The following NPAS3 variants were observed in gnomAD, a reference collection of about 807,000 sequenced individuals.
NPAS3 encodes neuronal PAS domain-containing protein 3.
A neutral mutation model predicts 73.1 loss-of-function variants in NPAS3; 14 were observed. The ratio of observed to expected loss-of-function variants is 0.19; its 90% CI spans 0.13 to 0.30. The LOEUF (loss-of-function observed/expected upper bound fraction) is 0.30. Among genes scored for constraint, NPAS3 ranks in the 10% least tolerant of loss-of-function variants. NPAS3 has a pLI of 1.00. For missense variants in NPAS3, 1,096 were observed against 1,250.0 expected, an observed-to-expected ratio of 0.88 and a Z score of 1.86; for synonymous variants, 620 against 541.5, an observed-to-expected ratio of 1.14 and a Z score of -2.01.
chr14:33,610,522 C>A (rs1488603391), intron 5 of NPAS3, among the ~76,000 whole-genome samples: 1 of 152,056 alleles, frequency 6.6e-6, no homozygotes, highest in Non-Finnish European at 1.5e-5. Context: ...AAAACAAAAT[C>A]TCTTTATGAT....
intron 3 of NPAS3, among the ~76,000 whole-genome samples, chr14:33,258,665 CA>C (rs1449308028): frequency 6.6e-6 from 1 of 152,312 alleles, no homozygotes; most frequent in East Asian, 1.9e-4. Flanking sequence ...AATCTGATCA[CA>C]AGGGCATGTT....
At chr14:32,974,950 A>G (rs981083115) in intron 1 of NPAS3, among the ~76,000 whole-genome samples, 28 of 152,234 alleles carry the variant, frequency 1.8e-4, no homozygotes, top group Admixed American at 1.2e-3. Flanking sequence ...TACTACTGAG[A>G]ATAAATATAG....
intron 3 of NPAS3, among the ~76,000 whole-genome samples, chr14:33,301,111 C>T (rs867418331): frequency 6.6e-6 from 1 of 151,670 alleles, no homozygotes; most frequent in Non-Finnish European, 1.5e-5. Context: ...GCTCCCAGAT[C>T]CAGGTCTCCT....
chr14:33,493,850 T>C (rs920903809), intron 4 of NPAS3, among the ~76,000 whole-genome samples: 7 of 152,144 alleles, frequency 4.6e-5, no homozygotes, highest in African/African-American at 1.7e-4. Context: ...GGCTCCTTTT[T>C]TGAAAAGGAA....
intron 2 of NPAS3, among the ~76,000 whole-genome samples, chr14:33,123,888 G>A (rs183840224): frequency 7.5e-6 from 1 of 133,896 alleles, no homozygotes; most frequent in Admixed American, 8.7e-5. Context: ...TTGAGACAAG[G>A]TCTCACTCTG....
chr14:33,141,909 C>T (rs754860044), intron 2 of NPAS3, among the ~76,000 whole-genome samples: 15 of 152,098 alleles, frequency 9.9e-5, no homozygotes, highest in African/African-American at 1.4e-4. Flanking sequence ...GACATCATTT[C>T]GCCACACCTT....
chr14:32,977,595 G>C (rs1304827391), intron 1 of NPAS3, among the ~76,000 whole-genome samples: 1 of 152,110 alleles, frequency 6.6e-6, no homozygotes, highest in African/African-American at 2.4e-5. Context: ...AACTGGGCAT[G>C]GTGGTGTGCA....
intron 5 of NPAS3, among the ~76,000 whole-genome samples, chr14:33,628,480 C>T (rs1244428500): frequency 6.6e-6 from 1 of 152,200 alleles, no homozygotes. Context: ...AGACTGCCGT[C>T]AGTACTTTAA....
At chr14:33,733,329 A>G (rs1353955284) in intron 6 of NPAS3, among the ~76,000 whole-genome samples, 6 of 151,288 alleles carry the variant, frequency 4.0e-5, no homozygotes, top group Non-Finnish European at 2.9e-5. Flanking sequence ...AAAAAAAAGG[A>G]TATAGCATCT....
At chr14:33,098,933 T>C (rs111637591) in intron 2 of NPAS3, among the ~76,000 whole-genome samples, 7 of 152,304 alleles carry the variant, frequency 4.6e-5, no homozygotes, top group African/African-American at 1.7e-4. Flanking sequence ...TTCACAAAGG[T>C]GCTCAACTGA....
intron 7 of NPAS3, among the ~76,000 whole-genome samples, chr14:33,770,110 C>T (rs1345433894): frequency 1.3e-5 from 2 of 152,074 alleles, no homozygotes; most frequent in African/African-American, 4.8e-5. Flanking sequence ...CAGTGCCCCA[C>T]CACCTGAGAT....
Position 33,377,826 on chromosome 14 carries a change from G to T in NPAS3, c.468+10558G>T, listed in dbSNP as rs1308496396. On this transcript the variant is annotated intron_variant, in intron 4 of 11. Transcript: ENST00000356141. Reference sequence around the variant, plus strand: ...AATTACCTCAAGTGGCCAGGTTCTAGAAAAGTGAAACAGTAATCTGAAAGT... The same window carrying T: ...AATTACCTCAAGTGGCCAGGTTCTATAAAAGTGAAACAGTAATCTGAAAGT... Among the ~76,000 whole-genome samples, 2 of 152,140 alleles carry T rather than the reference G, an allele frequency of 1.3e-5. 1 individual carries two copies. Among genetic ancestry groups the T allele is most frequent in the African/African-American group, 4.8e-5 (2 of 41,432 alleles).
chr14:33,232,438 A>G (rs546761192), intron 3 of NPAS3, among the ~76,000 whole-genome samples: 1 of 152,308 alleles, frequency 6.6e-6, no homozygotes, highest in East Asian at 1.9e-4. Context: ...GTTTTTCATA[A>G]TTTGACATTC....
At chr14:33,480,879 C>A (rs1447356636) in intron 4 of NPAS3, among the ~76,000 whole-genome samples, 1 of 151,910 alleles carries the variant, frequency 6.6e-6, no homozygotes, top group Non-Finnish European at 1.5e-5. Context: ...GGGCATATTT[C>A]CAGATCTTAA....
At chr14:33,339,681 G>T (rs760433071) in intron 3 of NPAS3, among the ~76,000 whole-genome samples, 4 of 152,076 alleles carry the variant, frequency 2.6e-5, no homozygotes, top group African/African-American at 9.7e-5. Flanking sequence ...CCTGTCAAAT[G>T]ACATAAATAA....
At chr14:33,160,181 G>T (rs955671371) in intron 2 of NPAS3, among the ~76,000 whole-genome samples, 3 of 151,948 alleles carry the variant, frequency 2.0e-5, no homozygotes, top group Non-Finnish European at 4.4e-5. Flanking sequence ...TTAAATATAA[G>T]AAAACCTAGA....
At chr14:33,498,712 G>GTAGC (rs71293228) in intron 4 of NPAS3, among the ~76,000 whole-genome samples, 1 of 151,098 alleles carries the variant, frequency 6.6e-6, no homozygotes, top group Non-Finnish European at 1.5e-5. Context: ...CTAGGGAAGG[G>GTAGC]GTTAGGAGAA....
chr14:33,355,019 C>T (rs17100795), intron 3 of NPAS3, among the ~76,000 whole-genome samples: 1,949 of 152,222 alleles, frequency 0.013, 56 homozygotes, highest in African/African-American at 0.043. Context: ...TGCCGAATGC[C>T]GTGTGTGAAC....
chr14:33,148,055 G>T (rs2044311380), intron 2 of NPAS3, among the ~76,000 whole-genome samples: 1 of 151,908 alleles, frequency 6.6e-6, no homozygotes, highest in Non-Finnish European at 1.5e-5. Context: ...ATGAGGGAAA[G>T]TTCACCTTTT....
Sources: gnomAD v4.1 joint callset for allele counts (sites outside exome capture counted in the v4.1 genomes callset) on GRCh38, gnomAD v4.1.1 for gene constraint, MANE v1.5 for transcripts, NCBI Gene and HGNC (gene_info 2026-07-23, HGNC 2026-07-21) for gene names.